The following ARAP1 variants were observed in gnomAD, a reference collection of about 807,000 sequenced individuals.
ARAP1 encodes arf-GAP with Rho-GAP domain, ANK repeat and PH domain-containing protein 1.
A neutral mutation model predicts 172.2 loss-of-function variants in ARAP1; 76 were observed. The ratio of observed to expected loss-of-function variants is 0.44; its 90% CI spans 0.37 to 0.53. ARAP1 has a LOEUF of 0.53. Ranked by LOEUF, ARAP1 falls within the 20% of genes least tolerant of loss-of-function variation. The pLI is 0.00. For missense variants in ARAP1, 1,686 were observed against 1,977.5 expected (o/e 0.85, Z 2.80); for synonymous variants, 804 against 803.3 (o/e 1.00, Z -0.01).
rs577701484 is a variant in ARAP1, at chr11:72,741,024, G to T, written c.-127-8427C>A. ...AATGAAGCTGAAAGTTAAATGGTTT[G>T]GTTTTAGGCTTTGTCAAAAAGCCTA... is the stretch of plus-strand genomic sequence containing the variant. On this transcript the variant is annotated intron_variant, in intron 1 of 34. Coordinates refer to ENST00000393609, the MANE Select transcript of ARAP1 (RefSeq NM_001040118.3). The surrounding 1 kb of genome is among the most constrained non-coding windows in gnomAD (Gnocchi z 4.5). Among the ~76,000 whole-genome samples, 1 of 152,016 alleles carries T rather than the reference G, an allele frequency of 6.6e-6. No homozygotes were observed. The highest frequency in any genetic ancestry group is 2.1e-4 in the South Asian group (1 of 4,814).
In ARAP1 at chr11:72,696,565, T is replaced by C; in HGVS notation, c.3256A>G (p.Ile1086Val). ...PVNRATVKAL[I>V]SHLYCVQCFS... ...GTCCCTCACCAGTACAGGTGGCTGA[T>C]AAGGGCCTTCACTGTGGCCCGGTTG... Residue 1086 changes from isoleucine (I) to valine (V), a missense_variant, in exon 23 of 35, where the codon ATC becomes GTC. Around this residue, in one of 5 missense-constraint regions of ARAP1, gnomAD observed 379 missense variants for 500.1 expected, o/e 0.76. Transcript: ENST00000393609. The C allele has an allele frequency of 6.3e-7, 1 of 1,585,110 alleles. No individual in the cohort carries two copies. The highest frequency in any genetic ancestry group is 8.6e-7 in the Non-Finnish European group (1 of 1,162,516).
rs552349141 is a variant in ARAP1, at chr11:72,704,235, G to A, written c.1909C>T (p.Arg637Trp). 11 of 1,613,660 alleles carry A rather than the reference G, an allele frequency of 6.8e-6. No individual in the cohort carries two copies. The highest frequency in any genetic ancestry group is 3.3e-5 in the Admixed American group (2 of 60,000). ...CGGTACTTGGCCTCCAGGTGGCACCGCCGGGTGCTGGGGCTGCTGCTGGGC... is the reference window on the plus strand; with the variant it reads ...CGGTACTTGGCCTCCAGGTGGCACCACCGGGTGCTGGGGCTGCTGCTGGGC... ...LQPSSSPSTR[R>W]CHLEAKYREG... is the part of the protein sequence containing the mutation. The change falls in exon 14 of 35, where the codon CGG (arginine) becomes TGG (tryptophan). Residue 637 changes from arginine (R) to tryptophan (W), a missense_variant. Arg to Trp is a moderately radical substitution (Grantham distance 101). Transcript: ENST00000393609.
At position 72,697,051 on chromosome 11, in the gene ARAP1, C is replaced by T. The variant is rs369570731; in HGVS notation, c.3098G>A (p.Arg1033His). Reference sequence around the variant, plus strand: ...CCCATCAGGCAGGTCGCGCAGGAAGCGCTTGAGCGCCGAGGAAACATCATC... The same window carrying T: ...CCCATCAGGCAGGTCGCGCAGGAAGTGCTTGAGCGCCGAGGAAACATCATC... ...HVDDVSSALK[R>H]FLRDLPDGLF... The change falls in exon 22 of 35, where the codon CGC (arginine) becomes CAC (histidine). Residue 1033 changes from arginine (R) to histidine (H), a missense_variant. Arg to His is a conservative substitution (Grantham distance 29). Around this residue, in one of 5 missense-constraint regions of ARAP1, gnomAD observed 274 missense variants for 262.7 expected, o/e 1.04. Coordinates refer to ENST00000393609, the MANE Select transcript of ARAP1 (RefSeq NM_001040118.3). 1.1e-5 allele frequency: 18 copies of T among 1,610,052 alleles called. No individual in the cohort carries two copies. The highest frequency in any genetic ancestry group is 1.7e-5 in the Admixed American group (1 of 60,004).
chr11:72,726,526 C>T lies in ARAP1; in HGVS notation c.509+94G>A. Reference sequence around the variant, plus strand: ...TGTTCCCCCTGCACTTCCGAAGTGCCTTTCTTACCCCAGCACCAAAGGCCA... The same window carrying T: ...TGTTCCCCCTGCACTTCCGAAGTGCTTTTCTTACCCCAGCACCAAAGGCCA... On this transcript the variant is annotated intron_variant, in intron 3 of 34. Coordinates refer to ENST00000393609, the MANE Select transcript of ARAP1 (RefSeq NM_001040118.3). This position sits in a 1 kb window ranked among gnomAD's most constrained non-coding sequence, Gnocchi z 6.5. The T allele has an allele frequency of 7.0e-7, 1 of 1,419,256 alleles. No individual in the cohort carries two copies. Among genetic ancestry groups the T allele is most frequent in the South Asian group, 1.5e-5 (1 of 67,830 alleles). The allele number at this position is 1,419,256 out of a possible 1,614,324, so 87.9% of individuals were successfully genotyped here.
Position 72,710,989 on chromosome 11 carries a change from TACAC to T in ARAP1, c.1213+28_1213+31del. The T allele has an allele frequency of 6.2e-7, 1 of 1,610,210 alleles. No homozygotes were observed. The highest frequency in any genetic ancestry group is 1.7e-4 in the Middle Eastern group (1 of 6,038). ...ACTTCCAGTCTTCTCTACCCTCTTCTACACACACACACAACACCCCACACTCCCC... is the reference window on the plus strand; with the variant it reads ...ACTTCCAGTCTTCTCTACCCTCTTCTACACACACAACACCCCACACTCCCC... On this transcript the variant is annotated intron_variant, in intron 9 of 34. Coordinates refer to ENST00000393609, the MANE Select transcript of ARAP1 (RefSeq NM_001040118.3). This position sits in a 1 kb window ranked among gnomAD's most constrained non-coding sequence, Gnocchi z 4.3.
At chr11:72,745,308 C>T (rs1408069416) in intron 1 of ARAP1, among the ~76,000 whole-genome samples, 1 of 150,932 alleles carries the variant, frequency 6.6e-6, no homozygotes, top group Non-Finnish European at 1.5e-5. Flanking sequence ...CCTGCCTCAG[C>T]CTCCTGAGTA....
chr11:72,750,161 G>C lies in ARAP1; in HGVS notation c.-128+2167C>G, dbSNP rs555605990. On this transcript the variant is annotated intron_variant, in intron 1 of 34. Coordinates refer to ENST00000393609, the MANE Select transcript of ARAP1 (RefSeq NM_001040118.3). ...GACAGAACCCTTGGGAGCCTGAAGCGGGGTAGAGGGGACAGCTGGTGAACA... is the reference window on the plus strand; with the variant it reads ...GACAGAACCCTTGGGAGCCTGAAGCCGGGTAGAGGGGACAGCTGGTGAACA... Among the ~76,000 whole-genome samples, 39 of 152,340 alleles carry C rather than the reference G, an allele frequency of 2.6e-4. No homozygotes were observed. The South Asian group carries it at 5.4e-3, about 21-fold the overall frequency.
chr11:72,691,098 T>C (rs963414579), intron 30 of ARAP1, among the ~76,000 whole-genome samples: 2 of 152,192 alleles, frequency 1.3e-5, no homozygotes, highest in African/African-American at 4.8e-5. Context: ...CTTCCAGGAA[T>C]ACAAGCTTGC....
chr11:72,692,366 A>G (rs776509294), intron 30 of ARAP1, among the ~76,000 whole-genome samples: 19 of 152,176 alleles, frequency 1.2e-4, no homozygotes, highest in Non-Finnish European at 2.6e-4. Flanking sequence ...TCAGGGCAGT[A>G]GCAAGAACAT....
At chr11:72,738,664 A>T (rs1858108996) in intron 1 of ARAP1, among the ~76,000 whole-genome samples, 1 of 151,312 alleles carries the variant, frequency 6.6e-6, no homozygotes, top group South Asian at 2.1e-4. Context: ...ACCTCAGGAA[A>T]CTCCTCGGAG....
intron 13 of ARAP1, chr11:72,705,547 T>G: frequency 2.0e-6 from 1 of 494,354 alleles, no homozygotes; most frequent in Non-Finnish European, 3.6e-6. Context: ...ATACAGTCTC[T>G]GCTGCATTTT....
At position 72,727,093 on chromosome 11, in the gene ARAP1, G is replaced by A. The variant is rs373357854; in HGVS notation, c.36C>T (p.Ala12=). The A allele has an allele frequency of 1.0e-5, 16 of 1,596,560 alleles. No homozygotes were observed. The highest frequency in any genetic ancestry group is 4.5e-5 in the East Asian group (2 of 44,416). The change falls in exon 3 of 35, where the codon GCC becomes GCT. Residue 12 remains alanine (A), a synonymous_variant. Coordinates refer to ENST00000393609, the MANE Select transcript of ARAP1 (RefSeq NM_001040118.3). ...AEAGDAALSV[A]EWLRALHLEQ... is the part of the protein sequence containing the mutation. ...CCAGGTGCAATGCCCGCAGCCACTC[G>A]GCCACCGATAGCGCAGCATCCCCAG...
intron 1 of ARAP1, among the ~76,000 whole-genome samples, chr11:72,734,352 C>A (rs1857949782): frequency 6.6e-6 from 1 of 152,126 alleles, no homozygotes; most frequent in African/African-American, 2.4e-5. Flanking sequence ...AACTCTTGGC[C>A]TCAAGCAATC....
intron 13 of ARAP1, 197 bp from the exon 14 acceptor site, chr11:72,704,531 C>T (rs1009975732): frequency 4.7e-5 from 28 of 595,694 alleles, no homozygotes; most frequent in Non-Finnish European, 7.8e-5. Context: ...GGGCTCTGAG[C>T]CTAGGTCTCA....
rs780883231 is a variant in ARAP1, at chr11:72,712,345, G to A, written c.879-6C>T. The A allele has an allele frequency of 7.1e-6, 11 of 1,546,408 alleles. No homozygotes were observed. Among genetic ancestry groups the A allele is most frequent in the South Asian group, 2.5e-5 (2 of 81,546 alleles). On this transcript the variant is annotated splice_region_variant and splice_polypyrimidine_tract_variant and intron_variant, in intron 6 of 34. Coordinates refer to ENST00000393609, the MANE Select transcript of ARAP1 (RefSeq NM_001040118.3). ...TGCTGGTATGCCATCCGCCACTAGCGAGAGATGAGGGGATGGGGGGCCGGG... is the reference window on the plus strand; with the variant it reads ...TGCTGGTATGCCATCCGCCACTAGCAAGAGATGAGGGGATGGGGGGCCGGG...
chr11:72,704,218 G>C lies in ARAP1; in HGVS notation c.1926C>G (p.Ala642=), dbSNP rs1316570434. Residue 642 remains alanine, a synonymous_variant, in exon 14 of 35, where the codon GCC becomes GCG. Coordinates refer to ENST00000393609, the MANE Select transcript of ARAP1 (RefSeq NM_001040118.3). ...SPSTRRCHLE[A]KYREGKYRRY... is the part of the protein sequence containing the mutation. ...GGCGGTACTTGCCCTCACGGTACTT[G>C]GCCTCCAGGTGGCACCGCCGGGTGC... is the stretch of plus-strand genomic sequence containing the variant. 6.2e-7 allele frequency: 1 copy of C among 1,613,976 alleles called. No homozygotes were observed. Among genetic ancestry groups the C allele is most frequent in the Non-Finnish European group, 8.5e-7 (1 of 1,179,972 alleles).
Position 72,704,267 on chromosome 11 carries a change from G to A in ARAP1, c.1877C>T (p.Ala626Val), listed in dbSNP as rs548619326. Reference protein sequence around the residue: ...FWAANVPPSEALQPSSSPSTR... With the variant: ...FWAANVPPSEVLQPSSSPSTR... Reference sequence around the variant, plus strand: ...GCTGGGGCTGCTGCTGGGCTGCAGGGCCTCACTGGGGGGCACGTTGGCTGC... The same window carrying A: ...GCTGGGGCTGCTGCTGGGCTGCAGGACCTCACTGGGGGGCACGTTGGCTGC... The change falls in exon 14 of 35, where the codon GCC (alanine) becomes GTC (valine). Residue 626 changes from alanine (A) to valine (V), a missense_variant. By Grantham distance (64) the Ala-to-Val change is moderately conservative (BLOSUM62 0). Transcript: ENST00000393609. The A allele has an allele frequency of 6.2e-7, 1 of 1,613,138 alleles. No homozygotes were observed.
At chr11:72,696,125 T>C (rs753273769) in intron 23 of ARAP1, among the ~76,000 whole-genome samples, 1 of 151,574 alleles carries the variant, frequency 6.6e-6, no homozygotes, top group Non-Finnish European at 1.5e-5. Context: ...CAGAAGGGAT[T>C]GGTTTCATGG....
chr11:72,712,464 A>ATACTCT lies in ARAP1; in HGVS notation c.851_852insAGAGTA (p.Asp284delinsGluGluTyr), dbSNP rs1293823006. On this transcript the variant is annotated protein_altering_variant, in exon 6 of 35. Coordinates refer to ENST00000393609, the MANE Select transcript of ARAP1 (RefSeq NM_001040118.3). ...TGGGGACGCCCTCATAGGCGTGGTCATCCTCTTCCTCATCCCCTTGGTCGT... is the reference window on the plus strand; with the variant it reads ...TGGGGACGCCCTCATAGGCGTGGTCATACTCTTCCTCTTCCTCATCCCCTTGGTCGT... The ATACTCT allele has an allele frequency of 3.1e-6, 5 of 1,600,490 alleles. No individual in the cohort carries two copies. Among genetic ancestry groups the ATACTCT allele is most frequent in the Non-Finnish European group, 3.4e-6 (4 of 1,170,046 alleles).
Sources: gnomAD v4.1 joint callset for allele counts (sites outside exome capture counted in the v4.1 genomes callset) on GRCh38, gnomAD v4.1.1 for gene constraint, gnomAD v4.1.1 regional missense constraint, Gnocchi (gnomAD v3.1) non-coding constraint, MANE v1.5 for transcripts, NCBI Gene and HGNC (gene_info 2026-07-23, HGNC 2026-07-21) for gene names.